The following ADAM20 variants were observed in gnomAD, a reference collection of about 807,000 sequenced individuals.
ADAM20 encodes the protein disintegrin and metalloproteinase domain-containing protein 20.
For missense variants in ADAM20, 871 were observed against 883.2 expected (o/e 0.99, Z 0.18); for synonymous variants, 305 against 310.2 (o/e 0.98, Z 0.18).
In ADAM20 at chr14:70,524,657, GAGGGCCTGGCCTGAGAGTGGCCAGAAAT is replaced by G. The variant is rs773794388; in HGVS notation, c.73_100del (p.Ile25ProfsTer10). 6.2e-7 allele frequency: 1 copy of G among 1,614,030 alleles called. No individual in the cohort carries two copies. The highest frequency in any genetic ancestry group is 1.1e-5 in the South Asian group (1 of 91,086). On this transcript the variant is annotated frameshift_variant, in exon 2 of 2. Coordinates refer to ENST00000256389, the MANE Select transcript of ADAM20 (RefSeq NM_003814.5). LOFTEE classifies it low-confidence loss of function (END_TRUNC). ...CACTTCTGGAGAAGTGAAATACTGG[GAGGGCCTGGCCTGAGAGTGGCCAGAAAT>G]AGACAAAAACATCCCAAACCAGAGC...
the ADAM20 span, among the ~76,000 whole-genome samples, chr14:70,543,807 C>A: frequency 6.6e-6 from 1 of 152,128 alleles, no homozygotes; most frequent in Non-Finnish European, 1.5e-5. Context: ...CAGGAAGTAG[C>A]CAGAAAGAAC....
chr14:70,560,135 T>A, the ADAM20 span, among the ~76,000 whole-genome samples: 1 of 152,152 alleles, frequency 6.6e-6, no homozygotes, highest in African/African-American at 2.4e-5. Context: ...TAGAAAATAA[T>A]CTGGAGTATT....
chr14:70,535,934 GA>G (rs1883822093), upstream of ADAM20, among the ~76,000 whole-genome samples: 1 of 152,090 alleles, frequency 6.6e-6, no homozygotes, highest in African/African-American at 2.4e-5. Flanking sequence ...AGGATAAATA[GA>G]AAACTTCAAA....
At chr14:70,576,906 A>G in the ADAM20 span, among the ~76,000 whole-genome samples, 1 of 152,224 alleles carries the variant, frequency 6.6e-6, no homozygotes, top group African/African-American at 2.4e-5. Flanking sequence ...GGGATTCACA[A>G]CCCAGTGAGA....
At chr14:70,541,648 T>G in the ADAM20 span, among the ~76,000 whole-genome samples, 1 of 152,216 alleles carries the variant, frequency 6.6e-6, no homozygotes, top group African/African-American at 2.4e-5. Context: ...AAACTTGGCT[T>G]ATTTGGTATA....
the ADAM20 span, chr14:70,556,059 CACCA>C: frequency 2.2e-4 from 34 of 152,396 alleles, no homozygotes; most frequent in African/African-American, 8.2e-4. Context: ...TCCTAGCAGT[CACCA>C]ACCAAGTCTT....
At chr14:70,539,128 C>T (rs140601627), upstream of ADAM20, among the ~76,000 whole-genome samples, 93 of 149,118 alleles carry the variant, frequency 6.2e-4, 2 homozygotes, top group East Asian at 0.013. Context: ...TATGAATGGA[C>T]GTGCAGTCAG....
chr14:70,553,376 C>G, the ADAM20 span, among the ~76,000 whole-genome samples: 1 of 122,488 alleles, frequency 8.2e-6, no homozygotes, highest in African/African-American at 3.3e-5. Context: ...TAATACCAAT[C>G]CTGCTCAAAT....
At chr14:70,562,905 G>A in the ADAM20 span, among the ~76,000 whole-genome samples, 10 of 152,152 alleles carry the variant, frequency 6.6e-5, no homozygotes, top group Admixed American at 1.3e-4. Flanking sequence ...CTGAATAAAT[G>A]GAGAAATATA....
At chr14:70,528,781 G>T (rs1883647599) in intron 1 of ADAM20, among the ~76,000 whole-genome samples, 1 of 152,198 alleles carries the variant, frequency 6.6e-6, no homozygotes, top group African/African-American at 2.4e-5. Flanking sequence ...CACATGAAAA[G>T]AGAGAACCTC....
At chr14:70,573,510 G>A in the ADAM20 span, among the ~76,000 whole-genome samples, 1 of 152,104 alleles carries the variant, frequency 6.6e-6, no homozygotes, top group African/African-American at 2.4e-5. Flanking sequence ...GGGTTCATTA[G>A]AAGCCCAAAC....
rs941647967 is a variant in ADAM20 at position 70,524,262 on chromosome 14, T to C, written c.496A>G (p.Thr166Ala). The change falls in exon 2 of 2, where the codon ACA becomes GCA. Residue 166 changes from threonine (T) to alanine (A), a missense_variant. Physicochemically the swap from Thr to Ala is moderately conservative, Grantham distance 58. Transcript: ENST00000256389. Reference sequence around the variant, plus strand: ...CCACATCTCATAGGTGGAAACTGTGTATCATCACTGTCTATCTTATATACT... The same window carrying C: ...CCACATCTCATAGGTGGAAACTGTGCATCATCACTGTCTATCTTATATACT... ...HLVYKIDSDDTQFPPMRCGLT... is the reference protein window; with the variant it reads ...HLVYKIDSDDAQFPPMRCGLT... 1.9e-6 allele frequency: 3 copies of C among 1,613,946 alleles called. No individual in the cohort carries two copies. Among genetic ancestry groups the C allele is most frequent in the African/African-American group, 2.7e-5 (2 of 74,938 alleles).
chr14:70,536,465 CAAAAAAAAAAAAAAAAAA>C (rs56738784), upstream of ADAM20, among the ~76,000 whole-genome samples: 5 of 43,148 alleles, frequency 1.2e-4, no homozygotes, highest in Non-Finnish European at 2.2e-4. Flanking sequence ...AACTCTGTCT[CAAAAAAAAAAAAAAAAAA>C]AAAAAAAAAA....
At chr14:70,566,365 T>C in the ADAM20 span, among the ~76,000 whole-genome samples, 7,797 of 152,080 alleles carry the variant, frequency 0.051, 258 homozygotes, top group Middle Eastern at 0.099. Context: ...CAGCTTAAAA[T>C]AGACTGTTAG....
intron 1 of ADAM20, among the ~76,000 whole-genome samples, chr14:70,534,300 C>G (rs12590401): frequency 0.22 from 33,002 of 151,780 alleles, 4,735 homozygotes; most frequent in East Asian, 0.53. Flanking sequence ...AAACAATATA[C>G]AGGTTCCTCA....
chr14:70,574,138 T>C, the ADAM20 span, among the ~76,000 whole-genome samples: 25 of 152,144 alleles, frequency 1.6e-4, no homozygotes, highest in African/African-American at 6.0e-4. Flanking sequence ...TAAAGAAGAC[T>C]GAAATATTTT....
At chr14:70,540,096 G>C in the ADAM20 span, among the ~76,000 whole-genome samples, 6,410 of 152,220 alleles carry the variant, frequency 0.042, 237 homozygotes, top group African/African-American at 0.096. Flanking sequence ...GGCCAGGATG[G>C]TCTCAGTCTC....
Position 70,524,913 on chromosome 14 carries a change from C to A in ADAM20, c.-156G>T. 1 of 1,584,540 alleles carries A rather than the reference C, an allele frequency of 6.3e-7. No individual in the cohort carries two copies. The highest frequency in any genetic ancestry group is 8.6e-7 in the Non-Finnish European group (1 of 1,165,614). On this transcript the variant is annotated 5_prime_UTR_variant, in exon 2 of 2. Transcript: ENST00000256389. Reference sequence around the variant, plus strand: ...TCCTGGTGGAGCTGGACCATCAGAGCTGCAGTGCTGAAAATAAAAACTGAA... The same window carrying A: ...TCCTGGTGGAGCTGGACCATCAGAGATGCAGTGCTGAAAATAAAAACTGAA...
chr14:70,558,643 TG>T, the ADAM20 span, among the ~76,000 whole-genome samples: 1 of 152,058 alleles, frequency 6.6e-6, no homozygotes, highest in African/African-American at 2.4e-5. Flanking sequence ...ACAGTGTTCT[TG>T]GAAGTACAAG....
Sources: gnomAD v4.1 joint callset for allele counts (sites outside exome capture counted in the v4.1 genomes callset) on GRCh38, gnomAD v4.1.1 for gene constraint, MANE v1.5 for transcripts, NCBI Gene and HGNC (gene_info 2026-07-23, HGNC 2026-07-21) for gene names.